Variants in ZGRF1 observed in about 807,000 individuals in gnomAD.
The protein encoded by ZGRF1 is zinc finger GRF-type containing 1.
Under a neutral mutation model 203.5 loss-of-function variants are expected in ZGRF1, and 196 were observed. The ratio of observed to expected loss-of-function variants is 0.96; its 90% CI spans 0.86 to 1.08. The LOEUF (loss-of-function observed/expected upper bound fraction) is 1.08, where lower values mean the gene tolerates loss of function less well. ZGRF1 is among the 50% of genes least tolerant of loss of function. ZGRF1 has a pLI of 0.00. For missense variants in ZGRF1, 2,326 were observed against 2,416.3 expected (o/e 0.96, Z 0.78); for synonymous variants, 809 against 841.3 (o/e 0.96, Z 0.66).
Position 112,560,983 on chromosome 4 carries a change from AGTT to A in ZGRF1, c.4707_4709del (p.Thr1570del). 6.2e-7 allele frequency: 1 copy of A among 1,608,148 alleles called. No homozygotes were observed. Among genetic ancestry groups the A allele is most frequent in the Non-Finnish European group, 8.5e-7 (1 of 1,175,682 alleles). ...TACTGACTCTTTTGTTACTAACTAT[AGTT>A]GGCGAAGACCTAATAAAAATGAAGC... On this transcript the variant is annotated inframe_deletion, in exon 19 of 28. Transcript: ENST00000505019.
In ZGRF1 at chr4:112,617,890, T is replaced by C; in HGVS notation, c.2152A>G (p.Ser718Gly). The C allele has an allele frequency of 6.2e-7, 1 of 1,613,964 alleles. No homozygotes were observed. Residue 718 changes from serine (S) to glycine (G), a missense_variant, in exon 6 of 28, where the codon AGT (serine) becomes GGT (glycine). Ser to Gly is a moderately conservative substitution (Grantham distance 56). Coordinates refer to ENST00000505019, the MANE Select transcript of ZGRF1 (RefSeq NM_018392.5). ...DAQPQPFILG[S>G]DLDKNDEHVL... ...TGTTCATCATTTTTGTCTAAGTCAC[T>C]TCCCAAAATAAAAGGCTGAGGTTGA...
chr4:112,614,315 A>G (rs1327792113), intron 6 of ZGRF1, among the ~76,000 whole-genome samples: 1 of 152,134 alleles, frequency 6.6e-6, no homozygotes, highest in Admixed American at 6.5e-5. Context: ...CTACTCCCTA[A>G]AGTTTATTTG....
chr4:112,606,379 T>A (rs1750776545), intron 8 of ZGRF1, among the ~76,000 whole-genome samples: 1 of 152,122 alleles, frequency 6.6e-6, no homozygotes, highest in Admixed American at 6.5e-5. Flanking sequence ...ATGCCAGGTA[T>A]AACTGGGTGC....
chr4:112,621,731 AT>A (rs74975594), intron 4 of ZGRF1, among the ~76,000 whole-genome samples: 2 of 148,890 alleles, frequency 1.3e-5, no homozygotes, highest in African/African-American at 2.5e-5. Context: ...TAATGAAATG[AT>A]TTTTTTTTCT....
Position 112,617,811 on chromosome 4 carries a change from T to G in ZGRF1, c.2231A>C (p.Asn744Thr), listed in dbSNP as rs750639270. ...SDNSVQLLNT[N>T]QNHYECIALD... ...TGCAATACATTCATAGTGATTCTGA[T>G]TGGTATTTAATAGTTGGACACTGTT... The change falls in exon 6 of 28, where the codon AAT (asparagine) becomes ACT (threonine). Residue 744 changes from asparagine (N) to threonine (T), a missense_variant. Physicochemically the swap from Asn to Thr is moderately conservative, Grantham distance 65. Transcript: ENST00000505019. The G allele has an allele frequency of 6.2e-7, 1 of 1,614,038 alleles. No individual in the cohort carries two copies. Among genetic ancestry groups the G allele is most frequent in the Admixed American group, 1.7e-5 (1 of 60,028 alleles).
intron 10 of ZGRF1, among the ~76,000 whole-genome samples, chr4:112,600,402 G>A (rs1163810677): frequency 1.3e-5 from 2 of 152,220 alleles, no homozygotes; most frequent in South Asian, 4.2e-4. Flanking sequence ...CATTAAAAAT[G>A]ATAAACTAGG....
At chr4:112,554,484 G>C (rs1740583950) in intron 21 of ZGRF1, among the ~76,000 whole-genome samples, 1 of 152,062 alleles carries the variant, frequency 6.6e-6, no homozygotes, top group Non-Finnish European at 1.5e-5. Context: ...ATACACCATG[G>C]AATACTATGC....
At chr4:112,545,504 A>G (rs1173110963) in intron 24 of ZGRF1, among the ~76,000 whole-genome samples, 1 of 152,192 alleles carries the variant, frequency 6.6e-6, no homozygotes, top group Non-Finnish European at 1.5e-5. Context: ...GAATGTGGAG[A>G]AATCAGAACA....
intron 6 of ZGRF1, among the ~76,000 whole-genome samples, chr4:112,616,665 T>A (rs1216025636): frequency 6.6e-6 from 1 of 151,284 alleles, no homozygotes; most frequent in Non-Finnish European, 1.5e-5. Flanking sequence ...TGAAACCCTG[T>A]CTCTACTAAA....
At chr4:112,581,074 T>C (rs968247425) in intron 16 of ZGRF1, among the ~76,000 whole-genome samples, 2 of 152,050 alleles carry the variant, frequency 1.3e-5, no homozygotes, top group African/African-American at 4.8e-5. Flanking sequence ...GTGGCACATA[T>C]ACACCACGGA....
At chr4:112,544,530 G>T (rs1305158415) in intron 24 of ZGRF1, among the ~76,000 whole-genome samples, 2 of 152,312 alleles carry the variant, frequency 1.3e-5, no homozygotes, top group East Asian at 3.9e-4. Flanking sequence ...CAAGAACTGT[G>T]TCCCTTTCCC....
chr4:112,574,396 A>T (rs975609913), intron 16 of ZGRF1, among the ~76,000 whole-genome samples: 1 of 152,214 alleles, frequency 6.6e-6, no homozygotes, highest in African/African-American at 2.4e-5. Flanking sequence ...AGTAAGGTCT[A>T]AAAAAACTAA....
At position 112,565,092 on chromosome 4, in the gene ZGRF1, G is replaced by A; in HGVS notation, c.4439-1818C>T. ...GCAAGAGTGTGCCCTCTACTGGAGG[G>A]GTGAAGAAACCTCATCGTTACAGGC... On this transcript the variant is annotated intron_variant, in intron 16 of 27. Coordinates refer to ENST00000505019, the MANE Select transcript of ZGRF1 (RefSeq NM_018392.5). The A allele has an allele frequency of 3.1e-6, 4 of 1,308,708 alleles. No individual in the cohort carries two copies. The South Asian group carries it at 4.7e-5, about 15-fold the overall frequency. 81.1% of individuals were successfully genotyped at this position (1,308,708 alleles called of 1,614,324 possible).
chr4:112,571,103 A>C (rs1744130941), intron 16 of ZGRF1, among the ~76,000 whole-genome samples: 1 of 45,550 alleles, frequency 2.2e-5, no homozygotes, highest in South Asian at 8.3e-4. Flanking sequence ...ACTGCATTTC[A>C]AAAAAAAAAA....
chr4:112,604,561 A>G (rs1159916810), intron 9 of ZGRF1, among the ~76,000 whole-genome samples: 1 of 152,210 alleles, frequency 6.6e-6, no homozygotes, highest in Non-Finnish European at 1.5e-5. Context: ...ACAGAAAGGG[A>G]ACAATGAGAA....
Position 112,562,396 on chromosome 4 carries a change from G to T in ZGRF1, c.4672C>A (p.Pro1558Thr). 1 of 1,605,398 alleles carries T rather than the reference G, an allele frequency of 6.2e-7. No homozygotes were observed. Among genetic ancestry groups the T allele is most frequent in the Non-Finnish European group, 8.5e-7 (1 of 1,174,180 alleles). ...GTTGTTAACAGGTACTGTGTTAGAG[G>T]TAGAGTAGCTGGATTAAAGTAGTCC... is the stretch of plus-strand genomic sequence containing the variant. ...IQDYFNPATL[P>T]LTQYLLTTSS... The change falls in exon 18 of 28, where the codon CCT (proline) becomes ACT (threonine). Residue 1558 changes from proline (P) to threonine (T), a missense_variant. By Grantham distance (38) the Pro-to-Thr change is conservative. Transcript: ENST00000505019.
At chr4:112,588,001 G>GGT in intron 11 of ZGRF1, 72 bp from the exon 12 acceptor site, 2 of 1,178,938 alleles carry the variant, frequency 1.7e-6, no homozygotes, top group Non-Finnish European at 2.3e-6. Flanking sequence ...GAAAACAGTG[G>GGT]GTATACAAAA....
At chr4:112,576,127 C>T (rs547823549) in intron 16 of ZGRF1, among the ~76,000 whole-genome samples, 38 of 152,326 alleles carry the variant, frequency 2.5e-4, no homozygotes, top group African/African-American at 8.2e-4. Flanking sequence ...CACCAATATC[C>T]GCTGTTCTGC....
At chr4:112,565,147 T>A in intron 16 of ZGRF1, 1 of 1,445,268 alleles carries the variant, frequency 6.9e-7, no homozygotes, top group Non-Finnish European at 9.7e-7. Flanking sequence ...TGAAATTAGA[T>A]GTTATCAGAA....
Sources: gnomAD v4.1 joint callset for allele counts (sites outside exome capture counted in the v4.1 genomes callset) on GRCh38, gnomAD v4.1.1 for gene constraint, MANE v1.5 for transcripts, NCBI Gene and HGNC (gene_info 2026-07-23, HGNC 2026-07-21) for gene names.